Variants in NLGN1 observed in about 807,000 individuals in gnomAD.
NLGN1 encodes neuroligin 1, also known as neuroligin-1.
A neutral mutation model predicts 65.5 loss-of-function variants in NLGN1; 12 were observed. That is an observed-to-expected ratio of 0.18 (90% confidence interval 0.12 to 0.30). The LOEUF (loss-of-function observed/expected upper bound fraction) is 0.30. Ranked by LOEUF, NLGN1 falls within the 10% of genes least tolerant of loss-of-function variation. The pLI is 1.00. For missense variants in NLGN1, 750 were observed against 1,007.1 expected, an observed-to-expected ratio of 0.74 and a Z score of 3.46; for synonymous variants, 350 against 359.5, an observed-to-expected ratio of 0.97 and a Z score of 0.30.
At chr3:173,651,833 C>G (rs1759227852) in intron 3 of NLGN1, among the ~76,000 whole-genome samples, 1 of 151,998 alleles carries the variant, frequency 6.6e-6, no homozygotes, top group Non-Finnish European at 1.5e-5. Flanking sequence ...CTGTCTGTCA[C>G]CCAGGCTGGA....
At chr3:173,875,259 T>C (rs2150893107) in intron 4 of NLGN1, among the ~76,000 whole-genome samples, 1 of 152,326 alleles carries the variant, frequency 6.6e-6, no homozygotes, top group South Asian at 2.1e-4. Flanking sequence ...TTTCTACATA[T>C]GACAGTGACC....
At chr3:174,099,315 C>CA (rs34629474) in intron 4 of NLGN1, among the ~76,000 whole-genome samples, 31,785 of 151,994 alleles carry the variant, frequency 0.21, 4,368 homozygotes, top group African/African-American at 0.39. Context: ...ATACCTAAGA[C>CA]TTTTTTAAAA....
At chr3:173,954,877 T>A (rs1308993443) in intron 4 of NLGN1, among the ~76,000 whole-genome samples, 1 of 152,174 alleles carries the variant, frequency 6.6e-6, no homozygotes, top group Non-Finnish European at 1.5e-5. Flanking sequence ...TCATTGAATA[T>A]GGAAATAATA....
intron 4 of NLGN1, among the ~76,000 whole-genome samples, chr3:174,122,283 T>G (rs191825501): frequency 6.6e-6 from 1 of 152,182 alleles, no homozygotes; most frequent in Non-Finnish European, 1.5e-5. Flanking sequence ...GAGATCAACA[T>G]TTTTTCACAT....
At chr3:173,829,666 A>G (rs1256460359) in intron 4 of NLGN1, among the ~76,000 whole-genome samples, 1 of 152,148 alleles carries the variant, frequency 6.6e-6, no homozygotes, top group Admixed American at 6.6e-5. Context: ...TCACTATACT[A>G]TACATTAGAT....
chr3:173,474,454 A>G (rs973228468), intron 2 of NLGN1, among the ~76,000 whole-genome samples: 13 of 152,212 alleles, frequency 8.5e-5, no homozygotes, highest in African/African-American at 3.1e-4. Context: ...GTGTGTGTGT[A>G]TACAAACTAT....
At chr3:173,403,586 T>C (rs1214932183) in intron 1 of NLGN1, among the ~76,000 whole-genome samples, 1 of 152,172 alleles carries the variant, frequency 6.6e-6, no homozygotes, top group Non-Finnish European at 1.5e-5. Flanking sequence ...ATCTCTCTCA[T>C]TGAACATTAT....
chr3:173,734,019 T>C (rs1046544489), intron 3 of NLGN1, among the ~76,000 whole-genome samples: 3 of 152,144 alleles, frequency 2.0e-5, no homozygotes, highest in Non-Finnish European at 2.9e-5. Context: ...CTAGTGTTAC[T>C]TCTTTCTGTG....
intron 4 of NLGN1, among the ~76,000 whole-genome samples, chr3:174,211,526 T>G (rs1405259040): frequency 2.6e-5 from 4 of 150,958 alleles, no homozygotes; most frequent in African/African-American, 7.3e-5. Flanking sequence ...AACCTTGAGC[T>G]AGATACAGAG....
chr3:174,127,148 C>T (rs1443538871), intron 4 of NLGN1, among the ~76,000 whole-genome samples: 1 of 152,108 alleles, frequency 6.6e-6, no homozygotes, highest in African/African-American at 2.4e-5. Context: ...CATCATGACT[C>T]ATCAAGCTTA....
At chr3:174,086,833 G>A (rs375911831) in intron 4 of NLGN1, among the ~76,000 whole-genome samples, 3 of 151,776 alleles carry the variant, frequency 2.0e-5, no homozygotes, top group Admixed American at 2.0e-4. Context: ...CTACAAAATC[G>A]TTTGTGTTTG....
intron 4 of NLGN1, among the ~76,000 whole-genome samples, chr3:173,918,948 C>A (rs548093378): frequency 6.6e-6 from 1 of 152,190 alleles, no homozygotes; most frequent in South Asian, 2.1e-4. Context: ...CATTCCTTGG[C>A]TAGTTCCTCT....
intron 4 of NLGN1, among the ~76,000 whole-genome samples, chr3:173,983,893 T>G (rs1719313376): frequency 6.6e-6 from 1 of 152,146 alleles, no homozygotes; most frequent in African/African-American, 2.4e-5. Flanking sequence ...GCACAATAGC[T>G]TTTCTCTGTC....
chr3:173,689,577 A>C (rs1765162998), intron 3 of NLGN1, among the ~76,000 whole-genome samples: 1 of 152,276 alleles, frequency 6.6e-6, no homozygotes, highest in South Asian at 2.1e-4. Flanking sequence ...GTTACCCTAA[A>C]GAAGGAGCCA....
At position 174,275,414 on chromosome 3, in the gene NLGN1, G is replaced by A. The variant is rs765561847; in HGVS notation, c.746G>A (p.Gly249Asp). The change falls in exon 5 of 7, where the codon GGT becomes GAT. Residue 249 changes from glycine (G) to aspartate (D), a missense_variant. Coordinates refer to ENST00000457714, the Ensembl canonical transcript of NLGN1. ...ACTAGTGAAAACATTGGATTCTTTG[G>A]TGGTGACCCCTTAAGAATCACTGTT... 6.2e-6 allele frequency: 10 copies of A among 1,612,518 alleles called. No homozygotes were observed. The East Asian group carries it at 1.8e-4, about 29-fold the overall frequency.
chr3:173,590,260 C>T (rs1033742557), intron 2 of NLGN1, among the ~76,000 whole-genome samples: 3 of 152,254 alleles, frequency 2.0e-5, no homozygotes, highest in East Asian at 1.9e-4. Context: ...TACTTACTGT[C>T]CAACACTTTA....
At chr3:173,610,052 T>A (rs972185241) in intron 3 of NLGN1, among the ~76,000 whole-genome samples, 1 of 151,694 alleles carries the variant, frequency 6.6e-6, no homozygotes, top group Non-Finnish European at 1.5e-5. Context: ...TGAGAGTAGG[T>A]TGTAGGAGAG....
At chr3:174,045,743 T>C (rs1031367534) in intron 4 of NLGN1, among the ~76,000 whole-genome samples, 7 of 152,216 alleles carry the variant, frequency 4.6e-5, no homozygotes, top group African/African-American at 1.7e-4. Context: ...TAATGACTTA[T>C]GTTTTTATTC....
intron 4 of NLGN1, among the ~76,000 whole-genome samples, chr3:174,266,263 G>T (rs1577693875): frequency 6.6e-6 from 1 of 152,016 alleles, no homozygotes; most frequent in Non-Finnish European, 1.5e-5. Context: ...TTGTGTCCAT[G>T]TGTATTCAAT....
Sources: allele counts gnomAD v4.1 joint callset (sites outside exome capture counted in the v4.1 genomes callset), GRCh38; gene constraint gnomAD v4.1.1; transcripts MANE v1.5; gene names NCBI Gene and HGNC (gene_info 2026-07-23, HGNC 2026-07-21).